ANKRD26: variants seen among roughly 807,000 people sequenced by gnomAD.
The protein encoded by ANKRD26 is ankyrin repeat domain 26, also known as ankyrin repeat domain-containing protein 26.
Under a neutral mutation model 208.7 loss-of-function variants are expected in ANKRD26, and 141 were observed. The ratio of observed to expected loss-of-function variants is 0.68; its 90% CI spans 0.59 to 0.78. The LOEUF is 0.78. ANKRD26 is among the 30% of genes least tolerant of loss of function. The pLI is 0.00. For missense variants in ANKRD26, 1,889 were observed against 1,938.7 expected (o/e 0.97, Z 0.48); for synonymous variants, 636 against 660.4 (o/e 0.96, Z 0.57).
intron 16 of ANKRD26, chr10:27,052,027 TATTC>T: frequency 1.0e-6 from 1 of 985,362 alleles, no homozygotes; most frequent in Non-Finnish European, 1.2e-6. Context: ...TCACACTCCT[TATTC>T]AGTTCTGGTT....
intron 23 of ANKRD26, among the ~76,000 whole-genome samples, chr10:27,036,502 GAGTTCCTC>G (rs1410089312): frequency 6.6e-6 from 1 of 152,022 alleles, no homozygotes; most frequent in Non-Finnish European, 1.5e-5. Flanking sequence ...AAAATTTGTA[GAGTTCCTC>G]TTGGAAAATC....
At chr10:27,046,786 T>C (rs1045274601) in intron 17 of ANKRD26, among the ~76,000 whole-genome samples, 1 of 152,180 alleles carries the variant, frequency 6.6e-6, no homozygotes, top group Non-Finnish European at 1.5e-5. Flanking sequence ...ACCATAATTT[T>C]ATCATACCAT....
the ANKRD26 span, among the ~76,000 whole-genome samples, chr10:26,949,960 T>C: frequency 1.3e-5 from 2 of 152,230 alleles, no homozygotes. Flanking sequence ...TAGTTATGAT[T>C]GAAAAAACCA....
At chr10:27,042,511 T>C (rs1257219763) in intron 20 of ANKRD26, among the ~76,000 whole-genome samples, 1 of 151,948 alleles carries the variant, frequency 6.6e-6, no homozygotes, top group East Asian at 1.9e-4. Context: ...CCCAGCACTT[T>C]GGGAGGCCAA....
At chr10:27,091,594 G>A (rs2056301513) in intron 4 of ANKRD26, among the ~76,000 whole-genome samples, 1 of 152,128 alleles carries the variant, frequency 6.6e-6, no homozygotes, top group Admixed American at 6.6e-5. Context: ...GCACTCAAAA[G>A]ACAAAAACTG....
chr10:27,047,940 A>C (rs2054515296), intron 17 of ANKRD26, among the ~76,000 whole-genome samples: 2 of 151,824 alleles, frequency 1.3e-5, no homozygotes, highest in South Asian at 4.2e-4. Context: ...ATGGGGTTTC[A>C]CCATGTTTTC....
intron 15 of ANKRD26, among the ~76,000 whole-genome samples, chr10:27,059,468 G>A (rs1469137143): frequency 6.6e-6 from 1 of 152,152 alleles, no homozygotes; most frequent in African/African-American, 2.4e-5. Flanking sequence ...ACAGGAAAAT[G>A]TTTTAAAAGA....
At chr10:27,026,617 C>T (rs914980068) in intron 27 of ANKRD26, among the ~76,000 whole-genome samples, 1 of 152,108 alleles carries the variant, frequency 6.6e-6, no homozygotes, top group Non-Finnish European at 1.5e-5. Flanking sequence ...TTAGTATTTA[C>T]AATGCAACCT....
Position 27,100,368 on chromosome 10 carries a change from C to G in ANKRD26, c.-42G>C. The G allele has an allele frequency of 3.7e-6, 6 of 1,600,812 alleles. No individual in the cohort carries two copies. Among genetic ancestry groups the G allele is most frequent in the Non-Finnish European group, 5.1e-6 (6 of 1,179,556 alleles). On this transcript the variant is annotated 5_prime_UTR_variant, in exon 1 of 34. Coordinates refer to ENST00000376087, the MANE Select transcript of ANKRD26 (RefSeq NM_014915.3). ...CTTCAGAGACACCTCATGTCTCTCTCGGCTCTTAACGGCCTCCGGAGCCCA... is the reference window on the plus strand; with the variant it reads ...CTTCAGAGACACCTCATGTCTCTCTGGGCTCTTAACGGCCTCCGGAGCCCA...
Position 27,039,984 on chromosome 10 carries a change from G to A in ANKRD26, c.2356C>T (p.Arg786Ter), listed in dbSNP as rs189856879. The A allele has an allele frequency of 9.9e-6, 16 of 1,613,474 alleles. No homozygotes were observed. Among genetic ancestry groups the A allele is most frequent in the East Asian group, 2.2e-5 (1 of 44,778 alleles). The change falls in exon 21 of 34, where the codon CGA becomes TGA. Residue 786 changes from arginine to a stop codon, truncating the protein, a stop_gained. Coordinates refer to ENST00000376087, the MANE Select transcript of ANKRD26 (RefSeq NM_014915.3). LOFTEE classifies it high-confidence loss of function. ...TCATACCTCAAAGAGCACAGTTCTC[G>A]TTCCCATTCAACTTTTTGATGCTCT... ...QLEHQKVEWE[R>*]ELCSLRFSLN...
intron 15 of ANKRD26, among the ~76,000 whole-genome samples, chr10:27,057,483 T>A (rs2054878115): frequency 6.6e-6 from 1 of 152,200 alleles, no homozygotes; most frequent in Non-Finnish European, 1.5e-5. Flanking sequence ...TGGATGACAG[T>A]ATTGTGTGTG....
In ANKRD26 at chr10:27,067,258, T is replaced by C; in HGVS notation, c.1106A>G (p.Lys369Arg). 1 of 1,613,678 alleles carries C rather than the reference T, an allele frequency of 6.2e-7. No individual in the cohort carries two copies. The highest frequency in any genetic ancestry group is 1.1e-5 in the South Asian group (1 of 91,044). Reference sequence around the variant, plus strand: ...AATAATATCAATACCATTTTCTTTTTTTGCAATGCCTGGCTTTGTTGGTTC... The same window carrying C: ...AATAATATCAATACCATTTTCTTTTCTTGCAATGCCTGGCTTTGTTGGTTC... ...KEEPTKPGIAKKENGIDIIES... is the reference protein window; with the variant it reads ...KEEPTKPGIARKENGIDIIES... Residue 369 changes from lysine to arginine, a missense_variant, in exon 10 of 34, where the codon AAA (lysine) becomes AGA (arginine). Transcript: ENST00000376087.
chr10:27,069,323 A>G (rs572054486), intron 9 of ANKRD26, among the ~76,000 whole-genome samples: 31 of 152,168 alleles, frequency 2.0e-4, no homozygotes, highest in African/African-American at 4.8e-4. Flanking sequence ...TCCTGCTTCA[A>G]TGTTTCAGTG....
the ANKRD26 span, among the ~76,000 whole-genome samples, chr10:26,958,073 T>TTATATATATATATATA: frequency 2.8e-5 from 4 of 144,156 alleles, no homozygotes; most frequent in South Asian, 2.2e-4. Flanking sequence ...TCACCCAGTT[T>TTATATATATATATATA]TATATATATA....
At chr10:26,972,650 G>A (rs1589156749), downstream of ANKRD26, among the ~76,000 whole-genome samples, 1 of 149,706 alleles carries the variant, frequency 6.7e-6, no homozygotes, top group South Asian at 2.1e-4. Context: ...GAGTGCAGTG[G>A]TGTGATCTTG....
intron 9 of ANKRD26, among the ~76,000 whole-genome samples, chr10:27,076,307 G>A (rs899074667): frequency 4.7e-5 from 7 of 150,482 alleles, no homozygotes; most frequent in African/African-American, 1.5e-4. Context: ...TTGTCACCCA[G>A]GCTGAAGTGC....
intron 17 of ANKRD26, among the ~76,000 whole-genome samples, chr10:27,047,865 T>A (rs1428273579): frequency 1.3e-5 from 2 of 151,844 alleles, no homozygotes; most frequent in African/African-American, 4.8e-5. Context: ...TGCCTCAGCC[T>A]CCCCAGTAGC....
downstream of ANKRD26, among the ~76,000 whole-genome samples, chr10:26,988,293 G>A (rs2052423428): frequency 6.6e-6 from 1 of 152,140 alleles, no homozygotes; most frequent in African/African-American, 2.4e-5. Context: ...CTTTGATGGA[G>A]ATAATATGCC....
intron 20 of ANKRD26, among the ~76,000 whole-genome samples, chr10:27,041,003 C>T (rs1409633420): frequency 6.6e-6 from 1 of 151,060 alleles, no homozygotes; most frequent in African/African-American, 2.4e-5. Context: ...TGTACTCCAG[C>T]CTGGGCAACA....
Sources: gnomAD v4.1 joint callset for allele counts (sites outside exome capture counted in the v4.1 genomes callset) on GRCh38, gnomAD v4.1.1 for gene constraint, MANE v1.5 for transcripts, NCBI Gene and HGNC (gene_info 2026-07-23, HGNC 2026-07-21) for gene names.